PCDH15: variants seen among roughly 807,000 people sequenced by gnomAD.
The protein encoded by PCDH15 is protocadherin related 15.
Under a neutral mutation model 178.5 loss-of-function variants are expected in PCDH15, and 129 were observed. The observed-to-expected ratio is 0.72, with a 90% CI of 0.63 to 0.84. PCDH15 has a LOEUF of 0.84. PCDH15 is among the 40% of genes least tolerant of loss of function. The pLI, the probability that PCDH15 is intolerant of heterozygous loss-of-function variation, is 0.00. For missense variants in PCDH15, 2,230 were observed against 2,099.9 expected (o/e 1.06, Z -1.21); for synonymous variants, 800 against 732.0 (o/e 1.09, Z -1.50).
intron 25 of PCDH15, among the ~76,000 whole-genome samples, chr10:53,935,219 C>G (rs1195694101): frequency 6.6e-6 from 1 of 152,068 alleles, no homozygotes; most frequent in Non-Finnish European, 1.5e-5. Context: ...AATTGGTCTT[C>G]AATGTTAAAG....
At chr10:54,023,526 T>C (rs915416960) in intron 18 of PCDH15, among the ~76,000 whole-genome samples, 1 of 148,598 alleles carries the variant, frequency 6.7e-6, no homozygotes, top group African/African-American at 2.4e-5. Context: ...AAAATTTTGT[T>C]TGTAATTCAT....
chr10:54,634,591 A>T (rs191532757), intron 2 of PCDH15, among the ~76,000 whole-genome samples: 2 of 152,026 alleles, frequency 1.3e-5, no homozygotes, highest in African/African-American at 4.8e-5. Flanking sequence ...CAATTTTCTT[A>T]CAAGACGCTA....
At chr10:55,528,090 G>A (rs1486862281) in intron 2 of PCDH15, among the ~76,000 whole-genome samples, 2 of 151,844 alleles carry the variant, frequency 1.3e-5, no homozygotes, top group Non-Finnish European at 2.9e-5. Context: ...AAGCAGCAGG[G>A]CAGTGGCACA....
intron 2 of PCDH15, among the ~76,000 whole-genome samples, chr10:55,330,655 G>T (rs1391706251): frequency 6.6e-6 from 1 of 151,834 alleles, no homozygotes; most frequent in Non-Finnish European, 1.5e-5. Flanking sequence ...GAATGACCAT[G>T]TAGATACTTT....
chr10:55,550,638 T>A lies in PCDH15; in HGVS notation c.-156+76987A>T, dbSNP rs80332596. ...TTAAAAGACAAAATATTTTGCTCTA[T>A]TATTTAAATTAGAAGCAAAAGGAAT... is the stretch of plus-strand genomic sequence containing the variant. On this transcript the variant is annotated intron_variant, in intron 2 of 5. Transcript: ENST00000613346. Among the ~76,000 whole-genome samples the A allele has an allele frequency of 4.8e-3, 737 of 152,244 alleles. 4 individuals are homozygous for A. The highest frequency in any genetic ancestry group is 7.8e-3 in the Non-Finnish European group (532 of 68,012).
chr10:55,265,921 A>G (rs890537515), intron 1 of PCDH15, among the ~76,000 whole-genome samples: 56 of 152,072 alleles, frequency 3.7e-4, no homozygotes, highest in Admixed American at 3.0e-3. Flanking sequence ...CAATAGAGAA[A>G]TGCAGACCCA....
At chr10:53,885,511 A>T (rs779654360) in intron 26 of PCDH15, among the ~76,000 whole-genome samples, 10 of 152,116 alleles carry the variant, frequency 6.6e-5, no homozygotes, top group Non-Finnish European at 1.3e-4. Context: ...GTTTCTCAGG[A>T]CTTCATGCCT....
At position 53,913,668 on chromosome 10, in the gene PCDH15, C is replaced by T. The variant is rs143136074; in HGVS notation, c.3374-10298G>A. On this transcript the variant is annotated intron_variant, in intron 25 of 37. Coordinates refer to ENST00000644397, the MANE Select transcript of PCDH15 (RefSeq NM_001384140.1). ...CTGAGGCAGGAGAATGGCGTGAACC[C>T]GGGAGGCAGAGCTTGCAGTGAGCCA... 4.4e-3 allele frequency among the ~76,000 whole-genome samples: 657 copies of T among 150,972 alleles called. 3 individuals carry two copies. The highest frequency in any genetic ancestry group is 0.015 in the African/African-American group (619 of 41,158).
At chr10:55,127,940 T>C (rs1218186506) in intron 2 of PCDH15, among the ~76,000 whole-genome samples, 1 of 152,076 alleles carries the variant, frequency 6.6e-6, no homozygotes, top group Admixed American at 6.6e-5. Flanking sequence ...ACTTCACTTT[T>C]GTCAGTCCCA....
intron 11 of PCDH15, among the ~76,000 whole-genome samples, chr10:54,191,352 C>T (rs1247009732): frequency 1.1e-4 from 17 of 152,094 alleles, no homozygotes; most frequent in African/African-American, 4.1e-4. Flanking sequence ...TGAAGGAATG[C>T]CTGAGGTGAG....
At chr10:54,060,689 G>A (rs1289378129) in intron 18 of PCDH15, among the ~76,000 whole-genome samples, 1 of 152,134 alleles carries the variant, frequency 6.6e-6, no homozygotes, top group African/African-American at 2.4e-5. Flanking sequence ...AACTCAGGTA[G>A]TTTTATTCCA....
chr10:55,048,992 G>A lies in PCDH15; in HGVS notation c.-80+117584C>T, dbSNP rs1591858699. Among the ~76,000 whole-genome samples the A allele has an allele frequency of 3.3e-5, 5 of 151,974 alleles. No homozygotes were observed. The East Asian group carries it at 7.7e-4, about 24-fold the overall frequency. ...GAACACCTGCTACATGCTAAGTCAT[G>A]CTGCTCTAATTGCTGAAAAACAGCC... On this transcript the variant is annotated intron_variant, in intron 2 of 5. Transcript: ENST00000458638.
At chr10:54,524,377 T>C (rs552130954) in intron 3 of PCDH15, among the ~76,000 whole-genome samples, 152 of 152,376 alleles carry the variant, frequency 1.0e-3, no homozygotes, top group African/African-American at 3.6e-3. Context: ...TGACTTAAAA[T>C]CATTTTCTCC....
At chr10:54,321,575 C>T (rs1156524198) in intron 7 of PCDH15, among the ~76,000 whole-genome samples, 1 of 151,830 alleles carries the variant, frequency 6.6e-6, no homozygotes. Context: ...CATCAAATCA[C>T]TATAATAAAC....
At chr10:55,581,812 G>A (rs1033595541) in intron 2 of PCDH15, among the ~76,000 whole-genome samples, 7 of 152,122 alleles carry the variant, frequency 4.6e-5, no homozygotes, top group South Asian at 2.1e-4. Context: ...ACATACATGC[G>A]TGCACACACA....
rs146009734 is a variant in PCDH15, at chr10:53,921,723, A to T, written c.3373+17092T>A. Among the ~76,000 whole-genome samples the T allele has an allele frequency of 2.4e-3, 366 of 152,052 alleles. 2 individuals carry two copies. The highest frequency in any genetic ancestry group is 8.5e-3 in the African/African-American group (353 of 41,478). ...TCTCCATGTTTTTGTTTTTCCTTAG[A>T]CCCTATTCAATTTCTCTCTTGCTGT... On this transcript the variant is annotated intron_variant, in intron 25 of 37. Transcript: ENST00000644397.
intron 2 of PCDH15, among the ~76,000 whole-genome samples, chr10:55,132,570 A>T (rs553609478): frequency 6.6e-6 from 1 of 152,310 alleles, no homozygotes; most frequent in African/African-American, 2.4e-5. Context: ...CTTCATACTT[A>T]CAAATTTATA....
At chr10:55,305,189 G>A (rs2132282353) in intron 1 of PCDH15, among the ~76,000 whole-genome samples, 1 of 152,262 alleles carries the variant, frequency 6.6e-6, no homozygotes, top group Middle Eastern at 3.4e-3. Context: ...ATTGTATTAG[G>A]TGCTGCTGGT....
chr10:54,705,524 G>A (rs1007163027), intron 1 of PCDH15, among the ~76,000 whole-genome samples: 6 of 151,970 alleles, frequency 3.9e-5, no homozygotes, highest in Non-Finnish European at 7.4e-5. Context: ...TATTTTAAGC[G>A]TAATATTTCA....
Sources: gnomAD v4.1 joint callset for allele counts (sites outside exome capture counted in the v4.1 genomes callset) on GRCh38, gnomAD v4.1.1 for gene constraint, MANE v1.5 for transcripts, NCBI Gene and HGNC (gene_info 2026-07-23, HGNC 2026-07-21) for gene names.